ZNF385D: variants seen among roughly 807,000 people sequenced by gnomAD.
ZNF385D encodes zinc finger protein 385D.
A neutral mutation model predicts 35.8 loss-of-function variants in ZNF385D; 15 were observed. The ratio of observed to expected loss-of-function variants is 0.42; its 90% confidence interval spans 0.28 to 0.64. The LOEUF is 0.64. Among genes scored for constraint, ZNF385D ranks in the 30% least tolerant of loss-of-function variants. ZNF385D has a pLI of 0.23. For synonymous variants in ZNF385D, 212 were observed against 186.8 expected (o/e 1.13, Z -1.10); for missense variants, 474 against 494.6 (o/e 0.96, Z 0.39).
intron 2 of ZNF385D, among the ~76,000 whole-genome samples, chr3:21,631,109 G>C (rs910492987): frequency 1.3e-5 from 2 of 152,050 alleles, no homozygotes; most frequent in African/African-American, 4.8e-5. Context: ...CTGGGTTTGC[G>C]GTTGTGGGGA....
intron 3 of ZNF385D, among the ~76,000 whole-genome samples, chr3:21,945,134 A>ATGTATATG (rs1411651782): frequency 6.7e-5 from 10 of 149,302 alleles, no homozygotes; most frequent in African/African-American, 1.7e-4. Context: ...GTGTGTATAT[A>ATGTATATG]TATGTATATG....
At chr3:22,208,304 G>A (rs1576497634) in intron 2 of ZNF385D, among the ~76,000 whole-genome samples, 1 of 151,864 alleles carries the variant, frequency 6.6e-6, no homozygotes, top group South Asian at 2.1e-4. Context: ...GATGGAACTG[G>A]AGGTCTTTAT....
intron 1 of ZNF385D, among the ~76,000 whole-genome samples, chr3:21,690,395 C>G (rs1158863772): frequency 1.4e-4 from 22 of 152,264 alleles, no homozygotes; most frequent in Non-Finnish European, 1.5e-4. Context: ...CCCTGCAGAC[C>G]TACAGTGCCA....
chr3:21,889,275 A>G (rs1698715960), intron 3 of ZNF385D, among the ~76,000 whole-genome samples: 1 of 152,130 alleles, frequency 6.6e-6, no homozygotes, highest in African/African-American at 2.4e-5. Flanking sequence ...CAGGCCTAGT[A>G]TTGCCATAGA....
At chr3:21,494,150 A>G (rs1705642831) in intron 4 of ZNF385D, among the ~76,000 whole-genome samples, 1 of 152,202 alleles carries the variant, frequency 6.6e-6, no homozygotes, top group African/African-American at 2.4e-5. Context: ...GTTACTTTCC[A>G]ATTACCCACA....
chr3:21,757,835 G>C (rs9824595), intron 3 of ZNF385D, among the ~76,000 whole-genome samples: 1 of 152,036 alleles, frequency 6.6e-6, no homozygotes, highest in Non-Finnish European at 1.5e-5. Flanking sequence ...TAGACATAAA[G>C]GCAGAGACAT....
chr3:22,048,887 C>A (rs990760344), intron 3 of ZNF385D, among the ~76,000 whole-genome samples: 6 of 152,068 alleles, frequency 3.9e-5, no homozygotes, highest in Non-Finnish European at 7.4e-5. Context: ...CATGGAATAT[C>A]TTTTCATTTG....
At chr3:22,136,510 G>A (rs1704124190) in intron 3 of ZNF385D, among the ~76,000 whole-genome samples, 1 of 151,942 alleles carries the variant, frequency 6.6e-6, no homozygotes, top group African/African-American at 2.4e-5. Flanking sequence ...CACATTAGAA[G>A]CAAATGATCC....
At chr3:21,537,029 A>C (rs1275875843) in intron 3 of ZNF385D, among the ~76,000 whole-genome samples, 2 of 152,076 alleles carry the variant, frequency 1.3e-5, no homozygotes, top group Non-Finnish European at 2.9e-5. Flanking sequence ...GGGACACTAA[A>C]AAACTAAGTA....
intron 2 of ZNF385D, among the ~76,000 whole-genome samples, chr3:22,289,968 C>T (rs1483997788): frequency 1.3e-5 from 2 of 152,114 alleles, no homozygotes; most frequent in Non-Finnish European, 1.5e-5. Context: ...TGGAAAAAAA[C>T]CCTCTATGGA....
chr3:22,370,264 TATG>T (rs2125234392), intron 2 of ZNF385D, among the ~76,000 whole-genome samples: 1 of 152,238 alleles, frequency 6.6e-6, no homozygotes, highest in South Asian at 2.1e-4. Flanking sequence ...GTCACACAAA[TATG>T]ATGTTAGCAC....
At chr3:22,271,170 A>C (rs563896492) in intron 2 of ZNF385D, among the ~76,000 whole-genome samples, 2 of 152,036 alleles carry the variant, frequency 1.3e-5, no homozygotes, top group South Asian at 4.2e-4. Context: ...ATATTAGAAA[A>C]TTATATCATA....
chr3:21,980,529 T>C (rs947374830), intron 3 of ZNF385D, among the ~76,000 whole-genome samples: 3 of 152,166 alleles, frequency 2.0e-5, no homozygotes, highest in African/African-American at 7.2e-5. Flanking sequence ...AAATTGCTGA[T>C]TTTGTAGATC....
At chr3:22,092,278 A>G (rs563322330) in intron 3 of ZNF385D, among the ~76,000 whole-genome samples, 16 of 152,284 alleles carry the variant, frequency 1.1e-4, no homozygotes, top group African/African-American at 3.8e-4. Context: ...GGGGAAATTG[A>G]AGGATGAATG....
At chr3:21,834,523 T>A (rs1176756951) in intron 3 of ZNF385D, among the ~76,000 whole-genome samples, 1 of 152,188 alleles carries the variant, frequency 6.6e-6, no homozygotes, top group African/African-American at 2.4e-5. Flanking sequence ...GACTGCAGAT[T>A]AGAGACATGG....
intron 3 of ZNF385D, among the ~76,000 whole-genome samples, chr3:22,071,097 T>A (rs866521631): frequency 6.6e-6 from 1 of 152,158 alleles, no homozygotes; most frequent in Non-Finnish European, 1.5e-5. Context: ...ATGACATAGC[T>A]CAGTCCTGGA....
At chr3:21,649,390 T>C (rs1001769030) in intron 2 of ZNF385D, among the ~76,000 whole-genome samples, 21 of 152,220 alleles carry the variant, frequency 1.4e-4, no homozygotes, top group Admixed American at 1.3e-3. Flanking sequence ...TCATCATAGA[T>C]TGATGTCCCC....
At position 21,945,389 on chromosome 3, in the gene ZNF385D, G is replaced by A. The variant is rs139884428; in HGVS notation, c.325+223428C>T. On this transcript the variant is annotated intron_variant, in intron 3 of 5. Transcript: ENST00000494108. ...AATGCATGTTTATGGTGAGATGCAC[G>A]TTAGTTGTATGTTTTCTTCATAGAA... Among the ~76,000 whole-genome samples the A allele has an allele frequency of 2.0e-3, 304 of 152,228 alleles. 1 individual carries two copies. Among genetic ancestry groups the A allele is most frequent in the African/African-American group, 6.8e-3 (282 of 41,548 alleles).
chr3:22,340,126 C>A (rs1344878588), intron 2 of ZNF385D, among the ~76,000 whole-genome samples: 1 of 152,124 alleles, frequency 6.6e-6, no homozygotes, highest in African/African-American at 2.4e-5. Flanking sequence ...AGAACATGAC[C>A]TGCTTGGGGA....
Sources: gnomAD v4.1 joint callset for allele counts (sites outside exome capture counted in the v4.1 genomes callset) on GRCh38, gnomAD v4.1.1 for gene constraint, MANE v1.5 for transcripts, NCBI Gene and HGNC (gene_info 2026-07-23, HGNC 2026-07-21) for gene names.